ADAMTSL3: variants seen among roughly 807,000 people sequenced by gnomAD.
The protein encoded by ADAMTSL3 is ADAMTS like 3, also known as ADAMTS-like protein 3.
ADAMTSL3 carries 128 observed loss-of-function variants against 201.7 expected under a neutral mutation model. The ratio of observed to expected loss-of-function variants is 0.63; its 90% CI spans 0.55 to 0.73. The LOEUF is 0.73. Among genes scored for constraint, ADAMTSL3 ranks in the 30% least tolerant of loss-of-function variants. The probability of loss-of-function intolerance (pLI) is 0.00; values close to 1 mark genes in which losing one functional copy is unlikely to be tolerated. For missense variants in ADAMTSL3, 1,990 were observed against 2,119.6 expected (o/e 0.94, Z 1.20); for synonymous variants, 738 against 748.4 (o/e 0.99, Z 0.23).
chr15:83,867,993 A>C (rs2065010285), intron 8 of ADAMTSL3, among the ~76,000 whole-genome samples: 1 of 152,052 alleles, frequency 6.6e-6, no homozygotes, highest in South Asian at 2.1e-4. Context: ...TCTAATTTTT[A>C]CTCTTTTTGA....
chr15:83,785,133 C>T (rs767876569), intron 4 of ADAMTSL3, among the ~76,000 whole-genome samples: 1 of 152,164 alleles, frequency 6.6e-6, no homozygotes, highest in Non-Finnish European at 1.5e-5. Flanking sequence ...GCATATGAAT[C>T]ACCTAGGCAT....
chr15:83,808,082 T>A lies in ADAMTSL3; in HGVS notation c.363+3387T>A, dbSNP rs559394127. ...TTCATGACGTTGGACTGGGTAAGGA[T>A]TTTTAAAATATGACCTCAAAAGCAC... On this transcript the variant is annotated intron_variant, in intron 5 of 29. Coordinates refer to ENST00000286744, the MANE Select transcript of ADAMTSL3 (RefSeq NM_207517.3). 4.6e-5 allele frequency among the ~76,000 whole-genome samples: 7 copies of A among 152,242 alleles called. No individual in the cohort carries two copies. The South Asian group carries it at 1.5e-3, about 32-fold the overall frequency.
At chr15:83,742,063 G>A (rs969738111) in intron 3 of ADAMTSL3, among the ~76,000 whole-genome samples, 2 of 152,014 alleles carry the variant, frequency 1.3e-5, no homozygotes. Flanking sequence ...CCTTGGGAAA[G>A]TTCGAAAAAA....
chr15:83,917,540 C>T (rs570483575), intron 16 of ADAMTSL3, among the ~76,000 whole-genome samples: 2 of 152,130 alleles, frequency 1.3e-5, no homozygotes, highest in African/African-American at 4.8e-5. Context: ...TCATGTACAT[C>T]CTGGAAGATA....
chr15:83,801,645 A>ATATATATATAAATATATAT (rs2063517183), intron 4 of ADAMTSL3, among the ~76,000 whole-genome samples: 1 of 43,902 alleles, frequency 2.3e-5, no homozygotes. Flanking sequence ...TAAATATATA[A>ATATATATATAAATATATAT]ATATAAATAT....
chr15:83,963,373 G>A (rs2067010371), intron 19 of ADAMTSL3, among the ~76,000 whole-genome samples: 1 of 152,188 alleles, frequency 6.6e-6, no homozygotes, highest in Non-Finnish European at 1.5e-5. Flanking sequence ...ACCCCTCACA[G>A]TGTAAACAAA....
intron 7 of ADAMTSL3, among the ~76,000 whole-genome samples, chr15:83,853,405 CAA>C (rs1444694044): frequency 5.3e-5 from 8 of 152,220 alleles, no homozygotes; most frequent in Middle Eastern, 3.4e-3. Context: ...ATCATTTCCC[CAA>C]TTAAACAGCA....
intron 4 of ADAMTSL3, among the ~76,000 whole-genome samples, chr15:83,795,242 A>G (rs1567149919): frequency 1.0e-5 from 1 of 99,328 alleles, no homozygotes; most frequent in East Asian, 4.1e-4. Flanking sequence ...TAAAACAACA[A>G]CAACAACAAC....
intron 25 of ADAMTSL3, among the ~76,000 whole-genome samples, chr15:84,018,850 T>G (rs937301673): frequency 5.9e-5 from 9 of 152,118 alleles, no homozygotes; most frequent in African/African-American, 2.2e-4. Context: ...CAAATGCATT[T>G]GTGTCAAAAA....
At position 84,014,724 on chromosome 15, in the gene ADAMTSL3, G is replaced by T; in HGVS notation, c.4156G>T (p.Glu1386Ter). 6.2e-7 allele frequency: 1 copy of T among 1,607,446 alleles called. No homozygotes were observed. The highest frequency in any genetic ancestry group is 8.5e-7 in the Non-Finnish European group (1 of 1,177,606). The change falls in exon 24 of 30, where the codon GAA (glutamate) becomes TAA (stop). Residue 1386 changes from glutamate to a stop codon, truncating the protein, a stop_gained and splice_region_variant. Transcript: ENST00000286744. LOFTEE classifies it high-confidence loss of function. ...GGCAACATCTGTACTCCACTTGCTGGGTAAGTGTCAAATTCTTATTGCTCC... is the reference window on the plus strand; with the variant it reads ...GGCAACATCTGTACTCCACTTGCTGTGTAAGTGTCAAATTCTTATTGCTCC... ...AVATSVLHLL[E>*]RRWPESRIVF...
chr15:83,729,439 T>A (rs1400699362), intron 3 of ADAMTSL3, among the ~76,000 whole-genome samples: 2 of 142,254 alleles, frequency 1.4e-5, no homozygotes, highest in Non-Finnish European at 3.2e-5. Flanking sequence ...TATGTCGTTA[T>A]TTTTTATTTT....
At chr15:83,920,293 C>G (rs557798895) in intron 16 of ADAMTSL3, among the ~76,000 whole-genome samples, 3 of 152,314 alleles carry the variant, frequency 2.0e-5, no homozygotes, top group South Asian at 2.1e-4. Flanking sequence ...TGACAGGCCT[C>G]GAGCTGTAGT....
At chr15:83,739,993 G>T in intron 3 of ADAMTSL3, 1 of 431,920 alleles carries the variant, frequency 2.3e-6, no homozygotes, top group Admixed American at 2.1e-5. Flanking sequence ...TGTAGACCTG[G>T]AACCCATGGC....
At chr15:83,939,431 G>T (rs1244861961) in intron 17 of ADAMTSL3, among the ~76,000 whole-genome samples, 2 of 151,642 alleles carry the variant, frequency 1.3e-5, no homozygotes, top group African/African-American at 4.8e-5. Flanking sequence ...TTGATAAGTT[G>T]GTTTTTGTAG....
intron 7 of ADAMTSL3, among the ~76,000 whole-genome samples, chr15:83,839,427 T>G (rs1405796786): frequency 1.3e-5 from 2 of 152,066 alleles, no homozygotes; most frequent in African/African-American, 4.8e-5. Flanking sequence ...GCATTTGGAG[T>G]CAAAGCCTTC....
chr15:83,706,231 T>A (rs1266660181), intron 3 of ADAMTSL3, among the ~76,000 whole-genome samples: 1 of 151,908 alleles, frequency 6.6e-6, no homozygotes, highest in Non-Finnish European at 1.5e-5. Context: ...AATTAAAGAG[T>A]GGTTAATGTC....
At chr15:83,673,393 C>T (rs1036119646) in intron 2 of ADAMTSL3, among the ~76,000 whole-genome samples, 6 of 152,176 alleles carry the variant, frequency 3.9e-5, no homozygotes, top group African/African-American at 1.4e-4. Flanking sequence ...TGATTGCTAT[C>T]CTCAGTTTTT....
Position 83,899,749 on chromosome 15 carries a change from T to G in ADAMTSL3, c.1700+18T>G, listed in dbSNP as rs1452580453. ...GAACCAACGTGAGTCCAGGACCTTT[T>G]GTAGGAATAATCAGGGCATAGCCAG... On this transcript the variant is annotated intron_variant, in intron 15 of 29. Coordinates refer to ENST00000286744, the MANE Select transcript of ADAMTSL3 (RefSeq NM_207517.3). 5 of 1,607,454 alleles carry G rather than the reference T, an allele frequency of 3.1e-6. No homozygotes were observed. The highest frequency in any genetic ancestry group is 2.3e-5 in the East Asian group (1 of 44,354).
At chr15:84,030,821 G>A (rs1459088366) in intron 27 of ADAMTSL3, among the ~76,000 whole-genome samples, 1 of 152,170 alleles carries the variant, frequency 6.6e-6, no homozygotes, top group East Asian at 1.9e-4. Flanking sequence ...GGAGAGACCA[G>A]GTGGAGGCAG....
Sources: allele counts gnomAD v4.1 joint callset (sites outside exome capture counted in the v4.1 genomes callset), GRCh38; gene constraint gnomAD v4.1.1; transcripts MANE v1.5; gene names NCBI Gene and HGNC (gene_info 2026-07-23, HGNC 2026-07-21).